The following SMYD1 variants were observed in gnomAD, a reference collection of about 807,000 sequenced individuals.
The protein encoded by SMYD1 is SET and MYND domain containing 1, also known as histone-lysine N-methyltransferase SMYD1.
Under a neutral mutation model 54.0 loss-of-function variants are expected in SMYD1, and 49 were observed. That is an observed-to-expected ratio of 0.91 (90% CI 0.72 to 1.15). The LOEUF is 1.15. Among genes scored for constraint, SMYD1 ranks in the 50% most tolerant of loss-of-function variants. The pLI is 0.00. For synonymous variants in SMYD1, 269 were observed against 234.2 expected (o/e 1.15, Z -1.36); for missense variants, 653 against 639.6 (o/e 1.02, Z -0.23).
At chr2:88,106,919 G>T (rs1050291854) in intron 8 of SMYD1, among the ~76,000 whole-genome samples, 17 of 152,182 alleles carry the variant, frequency 1.1e-4, no homozygotes, top group African/African-American at 4.1e-4. Context: ...GTAAAATTCT[G>T]GCCAGGCGCG....
rs371029771 is a variant in SMYD1 at position 88,106,372 on chromosome 2, T to C, written c.1029T>C (p.Phe343=). The C allele has an allele frequency of 3.7e-6, 6 of 1,614,026 alleles. No individual in the cohort carries two copies. The highest frequency in any genetic ancestry group is 5.1e-6 in the Non-Finnish European group (6 of 1,180,036). ...GCCTGGAGAAGCAGGAGCCAGTGTTTGCTGACACCAACATCTACATGCTGC... is the reference window on the plus strand; with the variant it reads ...GCCTGGAGAAGCAGGAGCCAGTGTTCGCTGACACCAACATCTACATGCTGC... ...RECLEKQEPV[F]ADTNIYMLRM... The change falls in exon 8 of 10, where the codon TTT becomes TTC. Residue 343 remains phenylalanine (F), a synonymous_variant. Coordinates refer to ENST00000419482, the MANE Select transcript of SMYD1 (RefSeq NM_198274.4).
chr2:88,068,071 C>A, intron 1 of SMYD1, 70 bp downstream of exon 1: 1 of 1,516,920 alleles, frequency 6.6e-7, no homozygotes, highest in South Asian at 1.3e-5. Context: ...ATACTTTGCT[C>A]TCAAAAATCA....
chr2:88,092,140 A>T (rs771808584), intron 4 of SMYD1, among the ~76,000 whole-genome samples: 1 of 152,144 alleles, frequency 6.6e-6, no homozygotes, highest in East Asian at 1.9e-4. Context: ...TAGATAGTCC[A>T]ACCCCTCATT....
chr2:88,068,192 G>T (rs1673873097), intron 1 of SMYD1, among the ~76,000 whole-genome samples, 191 bp downstream of exon 1: 2 of 152,134 alleles, frequency 1.3e-5, no homozygotes, highest in African/African-American at 4.8e-5. Context: ...AGTGTGATTT[G>T]CTGTGGCTCC....
At position 88,067,844 on chromosome 2, in the gene SMYD1, G is replaced by A. The variant is rs372515302; in HGVS notation, c.-21G>A. On this transcript the variant is annotated 5_prime_UTR_variant, in exon 1 of 10. Coordinates refer to ENST00000419482, the MANE Select transcript of SMYD1 (RefSeq NM_198274.4). The stretch of plus-strand genomic sequence containing the variant: ...TGGCTCAGTGTTAAATAACTGCCGC[G>A]CTGGCCTGACAGTCTCTGAGATGAC... 8 of 1,610,462 alleles carry A rather than the reference G, an allele frequency of 5.0e-6. No homozygotes were observed. Among genetic ancestry groups the A allele is most frequent in the African/African-American group, 1.3e-5 (1 of 74,800 alleles).
intron 5 of SMYD1, among the ~76,000 whole-genome samples, chr2:88,095,848 T>A (rs886204542): frequency 6.6e-6 from 1 of 152,186 alleles, no homozygotes; most frequent in Non-Finnish European, 1.5e-5. Flanking sequence ...ACCTTCAACA[T>A]CTTCAGTACC....
At chr2:88,093,364 C>T (rs551865250) in intron 4 of SMYD1, among the ~76,000 whole-genome samples, 153 bp from the exon 5 acceptor site, 17 of 152,256 alleles carry the variant, frequency 1.1e-4, no homozygotes, top group Non-Finnish European at 2.4e-4. Flanking sequence ...GTGTCTTGTC[C>T]AGTGAGTCCA....
chr2:88,079,447 G>A (rs1012757940), intron 1 of SMYD1, among the ~76,000 whole-genome samples: 7 of 152,290 alleles, frequency 4.6e-5, no homozygotes, highest in African/African-American at 7.2e-5. Flanking sequence ...AAAACTTGCC[G>A]TAATAAACCC....
chr2:88,086,399 C>A (rs1227434981), intron 2 of SMYD1, among the ~76,000 whole-genome samples: 1 of 152,204 alleles, frequency 6.6e-6, no homozygotes, highest in African/African-American at 2.4e-5. Flanking sequence ...GTGGCAGGAA[C>A]ATTAAAGTGT....
At chr2:88,095,485 C>T (rs1674561799) in intron 5 of SMYD1, among the ~76,000 whole-genome samples, 1 of 152,190 alleles carries the variant, frequency 6.6e-6, no homozygotes, top group South Asian at 2.1e-4. Context: ...AGGGAAGGGG[C>T]TGCCTTTGAC....
At chr2:88,107,028 G>T (rs372535053) in intron 8 of SMYD1, among the ~76,000 whole-genome samples, 1 of 151,646 alleles carries the variant, frequency 6.6e-6, no homozygotes, top group Non-Finnish European at 1.5e-5. Context: ...GTGAAACCCC[G>T]TCTCTATTAA....
intron 6 of SMYD1, among the ~76,000 whole-genome samples, chr2:88,097,840 T>C (rs1399494974): frequency 1.3e-5 from 2 of 152,038 alleles, no homozygotes; most frequent in Admixed American, 6.5e-5. Context: ...CCCATGTGCA[T>C]GCAAGCATAC....
chr2:88,110,312 G>T, intron 9 of SMYD1, 42 bp from the exon 10 acceptor site: 1 of 1,574,366 alleles, frequency 6.4e-7, no homozygotes, highest in Non-Finnish European at 8.6e-7. Flanking sequence ...GCATGTCCTA[G>T]GGGCTTGCTA....
At chr2:88,079,736 G>A (rs1231618345) in intron 1 of SMYD1, among the ~76,000 whole-genome samples, 3 of 152,092 alleles carry the variant, frequency 2.0e-5, no homozygotes, top group East Asian at 3.9e-4. Flanking sequence ...CAGGAGAATC[G>A]CTTGAACCCA....
chr2:88,091,249 TAAATTTTAAA>T, intron 4 of SMYD1, 107 bp downstream of exon 4: 9 of 1,201,524 alleles, frequency 7.5e-6, no homozygotes, highest in Middle Eastern at 2.3e-4. Context: ...TGAACTAGCA[TAAATTTTAAA>T]TGTATAGCAC....
intron 4 of SMYD1, among the ~76,000 whole-genome samples, chr2:88,091,417 T>C (rs556840278): frequency 2.4e-4 from 37 of 152,304 alleles, no homozygotes; most frequent in Non-Finnish European, 5.0e-4. Context: ...ATTTTAAAAC[T>C]TGAAGCCTAG....
chr2:88,073,656 T>C (rs1156364119), intron 1 of SMYD1, among the ~76,000 whole-genome samples: 2 of 152,220 alleles, frequency 1.3e-5, no homozygotes, highest in Non-Finnish European at 2.9e-5. Flanking sequence ...GCTTTTGATA[T>C]AGATTTCCAA....
At chr2:88,074,733 A>T (rs772254837) in intron 1 of SMYD1, among the ~76,000 whole-genome samples, 1 of 152,214 alleles carries the variant, frequency 6.6e-6, no homozygotes, top group Admixed American at 6.5e-5. Context: ...TGACCCGGAG[A>T]TTATGTATAT....
At chr2:88,101,865 C>G (rs1051341135) in intron 6 of SMYD1, among the ~76,000 whole-genome samples, 1 of 152,222 alleles carries the variant, frequency 6.6e-6, no homozygotes, top group African/African-American at 2.4e-5. Context: ...CTGGGCCTCC[C>G]AAAGTGCTGG....
Sources: allele counts gnomAD v4.1 joint callset (sites outside exome capture counted in the v4.1 genomes callset), GRCh38; gene constraint gnomAD v4.1.1; transcripts MANE v1.5; gene names NCBI Gene and HGNC (gene_info 2026-07-23, HGNC 2026-07-21).